Variants in GATA4 observed in about 807,000 individuals in gnomAD.
GATA4 encodes transcription factor GATA-4.
Under a neutral mutation model 37.9 loss-of-function variants are expected in GATA4, and 7 were observed. That is an observed-to-expected ratio of 0.18 (90% CI 0.11 to 0.35). The LOEUF (loss-of-function observed/expected upper bound fraction) is 0.35, where lower values mean the gene tolerates loss of function less well. Among genes scored for constraint, GATA4 ranks in the 10% least tolerant of loss-of-function variants. The pLI, the probability that GATA4 is intolerant of heterozygous loss-of-function variation, is 1.00. For synonymous variants in GATA4, 372 were observed against 292.6 expected (o/e 1.27, Z -2.77); for missense variants, 647 against 653.0 (o/e 0.99, Z 0.10).
At chr8:11,702,060 G>A (rs898322748), upstream of GATA4, among the ~76,000 whole-genome samples, 15 of 152,220 alleles carry the variant, frequency 9.9e-5, no homozygotes, top group Non-Finnish European at 1.8e-4. This position sits in a 1 kb window ranked among gnomAD's most constrained non-coding sequence, Gnocchi z 4.4. Context: ...CAGAGCAGGG[G>A]GTTGAAGTTT....
chr8:11,694,853 C>G (rs373390982), intron 1 of GATA4, among the ~76,000 whole-genome samples: 1 of 152,158 alleles, frequency 6.6e-6, no homozygotes, highest in African/African-American at 2.4e-5. Flanking sequence ...CTCTCTCTCT[C>G]TGTCTCTCTC....
intron 1 of GATA4, among the ~76,000 whole-genome samples, chr8:11,677,587 C>G (rs1798824124): frequency 6.6e-6 from 1 of 152,216 alleles, no homozygotes; most frequent in Non-Finnish European, 1.5e-5. Flanking sequence ...TTGGAAACTT[C>G]AGGCAAACCT....
chr8:11,705,050 G>A (rs1432395672), intron 1 of GATA4, among the ~76,000 whole-genome samples: 1 of 152,240 alleles, frequency 6.6e-6, no homozygotes, highest in Non-Finnish European at 1.5e-5. Flanking sequence ...TGGGCTCAGG[G>A]GTCACCGTGG....
In GATA4 at chr8:11,758,397, T is replaced by C. The variant is rs1060503828; in HGVS notation, c.1254T>C (p.Ser418=). Residue 418 remains serine, a synonymous_variant, in exon 7 of 7, where the codon TCT becomes TCC. Coordinates refer to ENST00000532059, the MANE Select transcript of GATA4 (RefSeq NM_001308093.3). ...PQGYASPVSQ[S]PQTSSKQDSW... ...GCTATGCGTCTCCCGTCAGCCAGTC[T>C]CCACAGACCAGCTCCAAGCAGGACT... 1.2e-6 allele frequency: 2 copies of C among 1,614,200 alleles called. No individual in the cohort carries two copies. The highest frequency in any genetic ancestry group is 1.7e-6 in the Non-Finnish European group (2 of 1,180,036).
At chr8:11,686,085 T>C (rs1029535632) in intron 1 of GATA4, among the ~76,000 whole-genome samples, 2 of 152,168 alleles carry the variant, frequency 1.3e-5, no homozygotes, top group African/African-American at 4.8e-5. Context: ...GAGAAACAAG[T>C]AGCAGATGCC....
intron 6 of GATA4, among the ~76,000 whole-genome samples, chr8:11,758,059 C>T (rs757767637): frequency 1.2e-3 from 184 of 152,150 alleles, no homozygotes; most frequent in Non-Finnish European, 2.1e-3. Context: ...ACAGGGCCAC[C>T]GGGTCATAGC....
chr8:11,683,133 G>T lies in GATA4; in HGVS notation c.-274+6070G>T, dbSNP rs1200471396. ...AGCTCTTGGTGTGGTGGCCACTGGG[G>T]TTTGCTCCAGCAGAGATAATGGAGG... is the stretch of plus-strand genomic sequence containing the variant. On this transcript the variant is annotated intron_variant, in intron 1 of 6. Transcript: ENST00000528712. 12 of 985,308 alleles carry T rather than the reference G, an allele frequency of 1.2e-5. No individual in the cohort carries two copies. The East Asian group carries it at 9.1e-4, about 75-fold the overall frequency. The allele number at this position is 985,308 out of a possible 1,614,324, so 61.0% of individuals were successfully genotyped here. A position where few individuals can be genotyped will look rare whatever the true frequency, so the allele number is the denominator to read the frequency against.
At chr8:11,725,058 CT>C (rs576032818) in intron 2 of GATA4, among the ~76,000 whole-genome samples, 3 of 152,246 alleles carry the variant, frequency 2.0e-5, no homozygotes, top group African/African-American at 2.4e-5. Context: ...GCTTCACCGC[CT>C]TTCATTCTCT....
rs1585703515 is a variant in GATA4 at position 11,757,054 on chromosome 8, CACT to C, written c.1123_1125del (p.Tyr375del). 6.2e-7 allele frequency: 1 copy of C among 1,614,202 alleles called. No homozygotes were observed. The highest frequency in any genetic ancestry group is 8.5e-7 in the Non-Finnish European group (1 of 1,180,038). On this transcript the variant is annotated inframe_deletion, in exon 6 of 7. Transcript: ENST00000532059. ...CAAGACGGAGCCTGGCCTGTCATCT[CACT>C]ACGGGCACAGCAGCTCCGTGTCCCA...
Position 11,758,496 on chromosome 8 carries a change from A to C in GATA4, c.*21A>C. ...CGTAATCTTCCCTCTTCCCTCCTCA[A>C]ATTCCTGCACGGACCTGGGACTTGG... On this transcript the variant is annotated 3_prime_UTR_variant, in exon 7 of 7. Coordinates refer to ENST00000532059, the MANE Select transcript of GATA4 (RefSeq NM_001308093.3). 1.2e-6 allele frequency: 2 copies of C among 1,613,144 alleles called. No homozygotes were observed. Among genetic ancestry groups the C allele is most frequent in the Non-Finnish European group, 1.7e-6 (2 of 1,179,220 alleles).
chr8:11,717,943 A>C (rs1800510243), intron 2 of GATA4, among the ~76,000 whole-genome samples: 1 of 152,228 alleles, frequency 6.6e-6, no homozygotes, highest in South Asian at 2.1e-4. Context: ...GGATTCTCCT[A>C]ACTCTAGGGG....
At chr8:11,756,805 C>G in intron 5 of GATA4, 130 bp from the exon 6 acceptor site, 1 of 1,222,080 alleles carries the variant, frequency 8.2e-7, no homozygotes, top group Non-Finnish European at 1.2e-6. Context: ...CAGATAAGGA[C>G]CTCTGCTGCT....
In GATA4 at chr8:11,758,864, C is replaced by A; in HGVS notation, c.*389C>A. The A allele has an allele frequency of 3.0e-6, 1 of 330,964 alleles. No individual in the cohort carries two copies. The highest frequency in any genetic ancestry group is 7.7e-5 in the East Asian group (1 of 12,936). The allele number at this position is 330,964 out of a possible 1,614,324, so 20.5% of individuals were successfully genotyped here. A position where few individuals can be genotyped will look rare whatever the true frequency, so the allele number is the denominator to read the frequency against. On this transcript the variant is annotated 3_prime_UTR_variant, in exon 7 of 7. Coordinates refer to ENST00000532059, the MANE Select transcript of GATA4 (RefSeq NM_001308093.3). ...CCGGGCCCTGGGACCCCTGCTCCAG[C>A]CCGAATGACGGCATCTGTTTGCCAT...
rs1165880305 is a variant in GATA4 at position 11,749,096 on chromosome 8, G to A, written c.786+11G>A. On this transcript the variant is annotated intron_variant, in intron 3 of 6. Coordinates refer to ENST00000532059, the MANE Select transcript of GATA4 (RefSeq NM_001308093.3). This position sits in a 1 kb window ranked among gnomAD's most constrained non-coding sequence, Gnocchi z 4.6. ...CCTCAGCGCCGGCTGGTAAGCACGT[G>A]CCTCGCAGCCTCCTCTGGGCACCTG... The A allele has an allele frequency of 5.6e-6, 9 of 1,613,592 alleles. No homozygotes were observed. Among genetic ancestry groups the A allele is most frequent in the Admixed American group, 1.7e-5 (1 of 59,966 alleles).
intron 1 of GATA4, among the ~76,000 whole-genome samples, chr8:11,677,972 G>A (rs1798835535): frequency 6.6e-6 from 1 of 151,292 alleles, no homozygotes; most frequent in South Asian, 2.1e-4. Context: ...GGGCAAATGA[G>A]CCTTAAATCT....
chr8:11,688,199 A>G (rs372813968), upstream of GATA4, among the ~76,000 whole-genome samples: 61 of 152,318 alleles, frequency 4.0e-4, no homozygotes, highest in South Asian at 0.012. Context: ...TGAGATCAAA[A>G]CAGTGAAAAA....
intron 5 of GATA4, 113 bp from the exon 6 acceptor site, chr8:11,756,822 G>A (rs1329696389): frequency 1.0e-5 from 15 of 1,434,714 alleles, no homozygotes; most frequent in African/African-American, 5.6e-5. Flanking sequence ...TGCTGTCCCC[G>A]GCAAATGTAG....
At chr8:11,752,304 C>G (rs907501714) in intron 4 of GATA4, among the ~76,000 whole-genome samples, 2 of 152,182 alleles carry the variant, frequency 1.3e-5, no homozygotes, top group East Asian at 1.9e-4. Context: ...TGTTTTCACA[C>G]TGCTGATAAA....
chr8:11,688,961 C>A (rs1406189892), upstream of GATA4, among the ~76,000 whole-genome samples: 4 of 152,190 alleles, frequency 2.6e-5, no homozygotes, highest in Non-Finnish European at 5.9e-5. Context: ...CTAATGAATT[C>A]TCATGTGTTA....
Sources: allele counts gnomAD v4.1 joint callset (sites outside exome capture counted in the v4.1 genomes callset), GRCh38; gene constraint gnomAD v4.1.1; non-coding constraint Gnocchi (gnomAD v3.1); transcripts MANE v1.5; gene names NCBI Gene and HGNC (gene_info 2026-07-23, HGNC 2026-07-21).